Variants in GLT8D2 observed in about 807,000 individuals in gnomAD.
GLT8D2 encodes the protein glycosyltransferase 8 domain containing 2.
A neutral mutation model predicts 44.5 loss-of-function variants in GLT8D2; 45 were observed. The ratio of observed to expected loss-of-function variants is 1.01; its 90% CI spans 0.80 to 1.30. The LOEUF (loss-of-function observed/expected upper bound fraction) is 1.30. Ranked by LOEUF, GLT8D2 falls within the 50% of genes most tolerant of loss-of-function variation. The pLI, the probability that GLT8D2 is intolerant of heterozygous loss-of-function variation, is 0.00. For missense variants in GLT8D2, 400 were observed against 430.4 expected (o/e 0.93, Z 0.62); for synonymous variants, 156 against 157.2 (o/e 0.99, Z 0.06).
At chr12:104,033,706 C>G (rs567058584) in intron 1 of GLT8D2, among the ~76,000 whole-genome samples, 2 of 151,822 alleles carry the variant, frequency 1.3e-5, no homozygotes. Flanking sequence ...TGTTAATTAG[C>G]TTGATTGTGG....
In GLT8D2 at chr12:103,994,576, C is replaced by T. The variant is rs189587253; in HGVS notation, c.601-75G>A. The T allele has an allele frequency of 2.7e-4, 378 of 1,386,904 alleles. 2 individuals are homozygous for T. Among genetic ancestry groups the T allele is most frequent in the East Asian group, 2.3e-5 (1 of 42,572 alleles). The allele number at this position is 1,386,904 out of a possible 1,614,324, so 85.9% of individuals were successfully genotyped here. A position where few individuals can be genotyped will look rare whatever the true frequency, so the allele number is the denominator to read the frequency against. ...CTGGAAAATGATCATTTTCTTGAAACCCTTGTGCAGTATCTTTGGGTTTCC... is the reference window on the plus strand; with the variant it reads ...CTGGAAAATGATCATTTTCTTGAAATCCTTGTGCAGTATCTTTGGGTTTCC... On this transcript the variant is annotated intron_variant, in intron 8 of 10. Transcript: ENST00000360814.
chr12:104,009,598 G>C (rs1378089866), intron 4 of GLT8D2, among the ~76,000 whole-genome samples: 3 of 152,154 alleles, frequency 2.0e-5, no homozygotes, highest in African/African-American at 7.2e-5. Context: ...AGGCATGATT[G>C]GTTTTGAAAT....
At chr12:104,037,097 G>T (rs1443685907) in intron 1 of GLT8D2, among the ~76,000 whole-genome samples, 1 of 152,180 alleles carries the variant, frequency 6.6e-6, no homozygotes, top group African/African-American at 2.4e-5. Context: ...CAGAAATAAA[G>T]ATGTTCTTTG....
chr12:103,989,698 T>C, intron 10 of GLT8D2, 121 bp from the exon 11 acceptor site: 1 of 831,198 alleles, frequency 1.2e-6, no homozygotes, highest in Admixed American at 2.9e-5. Flanking sequence ...ATACAGTGAA[T>C]TTTCTACCCA....
At position 103,995,929 on chromosome 12, in the gene GLT8D2, C is replaced by A. The variant is rs542426021; in HGVS notation, c.600+806G>T. ...TATGTGTTAACTAATTTAATTCTCACGATAACTACAAAGGAAGTACTATTA... is the reference window on the plus strand; with the variant it reads ...TATGTGTTAACTAATTTAATTCTCAAGATAACTACAAAGGAAGTACTATTA... On this transcript the variant is annotated intron_variant, in intron 8 of 10. Transcript: ENST00000360814. Among the ~76,000 whole-genome samples, 4 of 152,248 alleles carry A rather than the reference C, an allele frequency of 2.6e-5. No individual in the cohort carries two copies. The South Asian group carries it at 8.3e-4, about 32-fold the overall frequency.
chr12:104,063,766 C>T (rs529878033), intron 1 of GLT8D2, among the ~76,000 whole-genome samples: 1 of 152,124 alleles, frequency 6.6e-6, no homozygotes, highest in Admixed American at 6.5e-5. Flanking sequence ...CTCATTTCCC[C>T]GTCCATGAAA....
intron 1 of GLT8D2, among the ~76,000 whole-genome samples, chr12:104,022,626 T>C (rs1878045474): frequency 2.0e-5 from 3 of 152,136 alleles, no homozygotes; most frequent in African/African-American, 7.2e-5. Context: ...GTACCAGCTA[T>C]AAATGGCTGG....
chr12:103,998,214 C>T (rs994821704), intron 6 of GLT8D2, among the ~76,000 whole-genome samples: 4 of 150,816 alleles, frequency 2.7e-5, no homozygotes, highest in African/African-American at 9.8e-5. Context: ...TGTAGAACTG[C>T]TATCAAAAAC....
At chr12:104,007,263 T>TCTCTCC (rs1240190332) in intron 4 of GLT8D2, among the ~76,000 whole-genome samples, 3 of 147,074 alleles carry the variant, frequency 2.0e-5, no homozygotes, top group Non-Finnish European at 4.5e-5. Context: ...TCTCTCTCTC[T>TCTCTCC]CTCCCCCCGC....
intron 6 of GLT8D2, 53 bp from the exon 7 acceptor site, chr12:103,997,588 T>C: frequency 7.9e-7 from 1 of 1,273,086 alleles, no homozygotes. Flanking sequence ...TGGCTTAGTG[T>C]CTTCTGGGGG....
chr12:104,014,524 A>T (rs970486137), intron 4 of GLT8D2, among the ~76,000 whole-genome samples: 2 of 152,180 alleles, frequency 1.3e-5, no homozygotes, highest in African/African-American at 4.8e-5. Flanking sequence ...GGGCCAATGA[A>T]GGGCCATTTT....
At chr12:104,020,929 G>T (rs1877545497) in intron 2 of GLT8D2, among the ~76,000 whole-genome samples, 1 of 152,212 alleles carries the variant, frequency 6.6e-6, no homozygotes. Flanking sequence ...TGTGCCTGAA[G>T]AGGAGTTTGG....
chr12:104,007,921 C>T (rs1028980790), intron 4 of GLT8D2, among the ~76,000 whole-genome samples: 3 of 152,208 alleles, frequency 2.0e-5, no homozygotes, highest in African/African-American at 7.2e-5. Flanking sequence ...CTCACTTTCT[C>T]TTGCTGCTGC....
At chr12:104,054,203 A>C (rs1412215521), upstream of GLT8D2, among the ~76,000 whole-genome samples, 2 of 151,994 alleles carry the variant, frequency 1.3e-5, no homozygotes, top group African/African-American at 2.4e-5. Flanking sequence ...CCACCATTCC[A>C]CCTACTCCCT....
intron 4 of GLT8D2, among the ~76,000 whole-genome samples, chr12:104,012,189 A>AATATATAT (rs71069712): frequency 1.6e-4 from 16 of 98,442 alleles, no homozygotes; most frequent in Middle Eastern, 5.4e-3. Context: ...AAAAAAAAAA[A>AATATATAT]ATATATATAT....
intron 1 of GLT8D2, among the ~76,000 whole-genome samples, chr12:104,057,706 G>A (rs1461537023): frequency 6.6e-6 from 1 of 152,098 alleles, no homozygotes; most frequent in Non-Finnish European, 1.5e-5. Flanking sequence ...ACTGATAATT[G>A]AGATCACTTT....
chr12:104,026,604 C>T (rs970335004), intron 1 of GLT8D2, among the ~76,000 whole-genome samples: 24 of 152,156 alleles, frequency 1.6e-4, no homozygotes, highest in Admixed American at 6.5e-5. Context: ...TAGGATAGGA[C>T]AGGTTTGATG....
intron 9 of GLT8D2, 27 bp from the exon 10 acceptor site, chr12:103,993,531 T>G: frequency 6.8e-7 from 1 of 1,477,198 alleles, no homozygotes; most frequent in Non-Finnish European, 9.2e-7. Context: ...AAAAACAACA[T>G]TTGGCCTGGA....
At chr12:104,042,874 T>C (rs1315688756) in intron 1 of GLT8D2, among the ~76,000 whole-genome samples, 2 of 152,196 alleles carry the variant, frequency 1.3e-5, no homozygotes, top group Non-Finnish European at 2.9e-5. Flanking sequence ...CTGTGGCCTG[T>C]GGGCTACGGG....
Sources: gnomAD v4.1 joint callset for allele counts (sites outside exome capture counted in the v4.1 genomes callset) on GRCh38, gnomAD v4.1.1 for gene constraint, MANE v1.5 for transcripts, NCBI Gene and HGNC (gene_info 2026-07-23, HGNC 2026-07-21) for gene names.